GRIA1: variants seen among roughly 807,000 people sequenced by gnomAD.
GRIA1 encodes the protein glutamate receptor 1.
In GRIA1, 31 loss-of-function variants were observed where a neutral mutation model predicts 99.2. The ratio of observed to expected loss-of-function variants is 0.31; its 90% CI spans 0.23 to 0.42. GRIA1 has a LOEUF of 0.42. GRIA1 is among the 10% of genes least tolerant of loss of function. The probability of loss-of-function intolerance (pLI) is 1.00; values close to 1 mark genes in which losing one functional copy is unlikely to be tolerated. For missense variants in GRIA1, 782 were observed against 1,157.5 expected (o/e 0.68, Z 4.71); for synonymous variants, 438 against 432.4 (o/e 1.01, Z -0.16).
At chr5:153,762,939 G>A (rs1010091623) in intron 11 of GRIA1, among the ~76,000 whole-genome samples, 1 of 152,182 alleles carries the variant, frequency 6.6e-6, no homozygotes, top group African/African-American at 2.4e-5. Flanking sequence ...ACTCTTCAGT[G>A]AACATGTCTC....
At chr5:153,535,752 C>T (rs77716838) in intron 2 of GRIA1, among the ~76,000 whole-genome samples, 2,964 of 152,294 alleles carry the variant, frequency 0.019, 46 homozygotes, top group Middle Eastern at 0.041. Context: ...TTACCTCTTG[C>T]ACTCCCTAAC....
At chr5:153,792,493 C>T (rs181469427) in intron 13 of GRIA1, among the ~76,000 whole-genome samples, 127 of 152,346 alleles carry the variant, frequency 8.3e-4, no homozygotes, top group African/African-American at 3.0e-3. Flanking sequence ...TGTCCCTGCA[C>T]TGATACCACT....
chr5:153,627,682 G>A (rs1767767483), intron 2 of GRIA1, among the ~76,000 whole-genome samples: 1 of 152,144 alleles, frequency 6.6e-6, no homozygotes, highest in Admixed American at 6.5e-5. Flanking sequence ...CATGGGAAGT[G>A]GAGAGAGCTG....
At chr5:153,627,640 T>G (rs1372077571) in intron 2 of GRIA1, among the ~76,000 whole-genome samples, 1 of 152,182 alleles carries the variant, frequency 6.6e-6, no homozygotes, top group African/African-American at 2.4e-5. Flanking sequence ...AGGTCTCTAC[T>G]GGAGGAGAGA....
At chr5:153,577,080 GA>G (rs1762619156) in intron 2 of GRIA1, among the ~76,000 whole-genome samples, 3 of 138,110 alleles carry the variant, frequency 2.2e-5, no homozygotes, top group South Asian at 2.4e-4. Flanking sequence ...ATGGATGGAT[GA>G]GTGGATGAAT....
Position 153,631,125 on chromosome 5 carries a change from T to C in GRIA1, c.221-15803T>C, listed in dbSNP as rs372575616. Among the ~76,000 whole-genome samples, 16 of 152,328 alleles carry C rather than the reference T, an allele frequency of 1.1e-4. No individual in the cohort carries two copies. The East Asian group carries it at 3.1e-3, about 29-fold the overall frequency. On this transcript the variant is annotated intron_variant, in intron 2 of 15. Coordinates refer to ENST00000285900, the MANE Select transcript of GRIA1 (RefSeq NM_000827.4). ...AAGACTGTGTTGTGCATTAGATAGA[T>C]ATGCTGAGAAATGAGAAAGAGGCTG...
intron 11 of GRIA1, among the ~76,000 whole-genome samples, chr5:153,744,297 GA>G (rs1245877119): frequency 6.6e-6 from 1 of 152,208 alleles, no homozygotes; most frequent in African/African-American, 2.4e-5. Context: ...ATACTTTAAA[GA>G]AAAAAGTTTG....
At chr5:153,673,590 G>A (rs1452420629) in intron 5 of GRIA1, among the ~76,000 whole-genome samples, 3 of 152,104 alleles carry the variant, frequency 2.0e-5, no homozygotes, top group African/African-American at 7.2e-5. Flanking sequence ...CTTAGTTCTG[G>A]TGCTCTCTCT....
At chr5:153,705,661 C>CTTTT (rs1561785222) in intron 10 of GRIA1, 36 bp from the exon 11 acceptor site, 10 of 781,190 alleles carry the variant, frequency 1.3e-5, no homozygotes, top group African/African-American at 3.8e-5. Context: ...AGCTCACCTG[C>CTTTT]ATTTTTTTTT....
intron 11 of GRIA1, among the ~76,000 whole-genome samples, chr5:153,757,623 G>T (rs920910099): frequency 4.6e-5 from 7 of 152,158 alleles, no homozygotes; most frequent in Non-Finnish European, 1.0e-4. Context: ...TGCAGACCAG[G>T]AGGAAGTACT....
chr5:153,791,860 C>T (rs1029898098), intron 13 of GRIA1, among the ~76,000 whole-genome samples: 3 of 150,608 alleles, frequency 2.0e-5, no homozygotes, highest in South Asian at 2.1e-4. Flanking sequence ...GTTATAGATA[C>T]GTAGGTGATA....
At chr5:153,708,619 A>C (rs1260475224) in intron 11 of GRIA1, among the ~76,000 whole-genome samples, 1 of 152,216 alleles carries the variant, frequency 6.6e-6, no homozygotes, top group African/African-American at 2.4e-5. Context: ...GAAGCGCTAT[A>C]ACTGGATGCT....
intron 2 of GRIA1, among the ~76,000 whole-genome samples, chr5:153,559,903 C>A (rs567101137): frequency 9.9e-5 from 15 of 152,186 alleles, no homozygotes; most frequent in Middle Eastern, 6.3e-3. Flanking sequence ...TGCACTCCAA[C>A]CCCACTCACC....
At chr5:153,717,941 A>AT (rs1454457547) in intron 11 of GRIA1, among the ~76,000 whole-genome samples, 1 of 152,022 alleles carries the variant, frequency 6.6e-6, no homozygotes, top group Non-Finnish European at 1.5e-5. Flanking sequence ...CCTGAGATTC[A>AT]TTTTCTCTTT....
chr5:153,595,663 T>G (rs1338351415), intron 2 of GRIA1, among the ~76,000 whole-genome samples: 1 of 151,128 alleles, frequency 6.6e-6, no homozygotes, highest in African/African-American at 2.4e-5. Context: ...ACCATTTCAT[T>G]TATTTTATTG....
At chr5:153,771,402 C>T (rs1471746075) in intron 13 of GRIA1, among the ~76,000 whole-genome samples, 1 of 152,176 alleles carries the variant, frequency 6.6e-6, no homozygotes, top group East Asian at 1.9e-4. Context: ...TCTGGGTCTA[C>T]CTCTGCCTCC....
At chr5:153,713,859 G>C (rs1759491172) in intron 11 of GRIA1, among the ~76,000 whole-genome samples, 1 of 152,156 alleles carries the variant, frequency 6.6e-6, no homozygotes, top group Non-Finnish European at 1.5e-5. Flanking sequence ...TATTCATTAA[G>C]TGTTTCTTTA....
chr5:153,694,160 G>A (rs1210952125), intron 8 of GRIA1, among the ~76,000 whole-genome samples: 1 of 152,146 alleles, frequency 6.6e-6, no homozygotes, highest in Admixed American at 6.5e-5. Context: ...TTTAACAATA[G>A]TGCTAAAATT....
intron 13 of GRIA1, among the ~76,000 whole-genome samples, chr5:153,786,125 A>T (rs1205769967): frequency 1.3e-5 from 2 of 152,144 alleles, no homozygotes; most frequent in African/African-American, 4.8e-5. Flanking sequence ...TGACTGTATC[A>T]TTCACTCTGC....
Sources: gnomAD v4.1 joint callset for allele counts (sites outside exome capture counted in the v4.1 genomes callset) on GRCh38, gnomAD v4.1.1 for gene constraint, MANE v1.5 for transcripts, NCBI Gene and HGNC (gene_info 2026-07-23, HGNC 2026-07-21) for gene names.